KCNH8: variants seen among roughly 807,000 people sequenced by gnomAD.
The protein encoded by KCNH8 is voltage-gated delayed rectifier potassium channel KCNH8.
KCNH8 carries 70 observed loss-of-function variants against 103.6 expected under a neutral mutation model. That is an observed-to-expected ratio of 0.68 (90% CI 0.56 to 0.82). The LOEUF (loss-of-function observed/expected upper bound fraction) is 0.82, where lower values mean the gene tolerates loss of function less well. Among genes scored for constraint, KCNH8 ranks in the 40% least tolerant of loss-of-function variants. The pLI, the probability that KCNH8 is intolerant of heterozygous loss-of-function variation, is 0.00. For synonymous variants in KCNH8, 498 were observed against 489.4 expected, an observed-to-expected ratio of 1.02 and a Z score of -0.23; for missense variants, 1,217 against 1,329.9, an observed-to-expected ratio of 0.92 and a Z score of 1.32.
At chr3:19,269,574 A>G (rs1291112451) in intron 2 of KCNH8, among the ~76,000 whole-genome samples, 1 of 152,150 alleles carries the variant, frequency 6.6e-6, no homozygotes, top group Non-Finnish European at 1.5e-5. Context: ...TATAAGAGAC[A>G]GCCAGAGTGG....
intron 15 of KCNH8, among the ~76,000 whole-genome samples, chr3:19,527,058 C>A (rs1256120302): frequency 6.6e-6 from 1 of 151,924 alleles, no homozygotes; most frequent in African/African-American, 2.4e-5. Flanking sequence ...TTTTGGCTCA[C>A]ACATCCTTTA....
At chr3:19,330,591 G>A (rs1369198642) in intron 3 of KCNH8, among the ~76,000 whole-genome samples, 1 of 152,098 alleles carries the variant, frequency 6.6e-6, no homozygotes, top group Non-Finnish European at 1.5e-5. Flanking sequence ...GCCATTTGGG[G>A]GCATTACAAA....
chr3:19,318,639 A>G (rs944661915), intron 3 of KCNH8, among the ~76,000 whole-genome samples: 45 of 126,022 alleles, frequency 3.6e-4, no homozygotes, highest in African/African-American at 5.0e-4. Context: ...ATTACATGGT[A>G]AGTGTGTGTG....
At chr3:19,149,440 A>G (rs2063107301) in intron 1 of KCNH8, among the ~76,000 whole-genome samples, 1 of 151,638 alleles carries the variant, frequency 6.6e-6, no homozygotes, top group South Asian at 2.1e-4. Flanking sequence ...ATGATAAGAG[A>G]AAGTTTTTAG....
intron 7 of KCNH8, among the ~76,000 whole-genome samples, chr3:19,408,844 A>C (rs1329826716): frequency 6.6e-6 from 1 of 152,164 alleles, no homozygotes; most frequent in Non-Finnish European, 1.5e-5. Flanking sequence ...AAAATGATCA[A>C]AATCTTTGAG....
chr3:19,407,826 G>T (rs1318241081), intron 7 of KCNH8, among the ~76,000 whole-genome samples: 1 of 152,070 alleles, frequency 6.6e-6, no homozygotes, highest in Non-Finnish European at 1.5e-5. Flanking sequence ...CTCCTAGATT[G>T]AGCTTCAGCT....
chr3:19,400,821 A>T (rs1400119454), intron 7 of KCNH8, among the ~76,000 whole-genome samples: 1 of 151,924 alleles, frequency 6.6e-6, no homozygotes, highest in Non-Finnish European at 1.5e-5. Context: ...AGAAAAAAAA[A>T]TGACCAGGCT....
chr3:19,495,990 G>A (rs1276234021), intron 11 of KCNH8, among the ~76,000 whole-genome samples: 3 of 150,948 alleles, frequency 2.0e-5, no homozygotes, highest in African/African-American at 7.3e-5. Context: ...TCTTGATTTG[G>A]CTCTTAGATT....
chr3:19,194,541 A>G (rs904732837), intron 1 of KCNH8, among the ~76,000 whole-genome samples: 2 of 151,866 alleles, frequency 1.3e-5, no homozygotes, highest in Non-Finnish European at 2.9e-5. Context: ...TTTCAAAGTC[A>G]AATAGTACAG....
In KCNH8 at chr3:19,275,110, T is replaced by C. The variant is rs111609809; in HGVS notation, c.311-6088T>C. ...CACTGGAGTTGACAGAATCCTACTA[T>C]ATATTTCTTCATGCTTATTCTAGAA... On this transcript the variant is annotated intron_variant, in intron 2 of 15. Coordinates refer to ENST00000328405, the MANE Select transcript of KCNH8 (RefSeq NM_144633.3). Among the ~76,000 whole-genome samples the C allele has an allele frequency of 4.4e-3, 669 of 151,326 alleles. 19 individuals are homozygous for C. In the East Asian group the frequency reaches 0.084, roughly 19 times the overall value.
Position 19,450,259 on chromosome 3 carries a change from A to C in KCNH8, c.1529A>C (p.Tyr510Ser), listed in dbSNP as rs761112198. ...PQQLKQRMLE[Y>S]FQTTWSVNNG... ...CAACTCAAGCAGAGGATGCTCGAAT[A>C]TTTTCAAACAACCTGGTCAGTCAAC... Residue 510 changes from tyrosine to serine, a missense_variant, in exon 9 of 16, where the codon TAT becomes TCT. Tyr to Ser is a moderately radical substitution (Grantham distance 144). This residue lies in a region of KCNH8 where 415 missense variants were observed against 577.4 expected (regional missense o/e 0.72). Transcript: ENST00000328405. 1 of 1,613,618 alleles carries C rather than the reference A, an allele frequency of 6.2e-7. No homozygotes were observed. The highest frequency in any genetic ancestry group is 8.5e-7 in the Non-Finnish European group (1 of 1,179,728).
At position 19,523,775 on chromosome 3, in the gene KCNH8, C is replaced by A. The variant is rs74601323; in HGVS notation, c.2619+5701C>A. On this transcript the variant is annotated intron_variant, in intron 15 of 15. Transcript: ENST00000328405. The stretch of plus-strand genomic sequence containing the variant: ...ACTGGCAAACGCTAATAATATCTAC[C>A]ATAGCACCTAAAAGCTATTAGGAAA... Among the ~76,000 whole-genome samples the A allele has an allele frequency of 5.4e-3, 823 of 151,956 alleles. 5 individuals carry two copies. Among genetic ancestry groups the A allele is most frequent in the Non-Finnish European group, 8.9e-3 (602 of 67,890 alleles).
chr3:19,390,442 C>G (rs755112095), intron 5 of KCNH8, 39 bp from the exon 6 acceptor site: 1 of 1,491,954 alleles, frequency 6.7e-7, no homozygotes, highest in South Asian at 1.2e-5. Flanking sequence ...TCTTCTCTGT[C>G]TCTTCCTTTT....
intron 5 of KCNH8, among the ~76,000 whole-genome samples, chr3:19,389,038 T>C (rs912013355): frequency 1.1e-4 from 16 of 152,204 alleles, no homozygotes; most frequent in Non-Finnish European, 8.8e-5. Flanking sequence ...CTGTGTGTTA[T>C]CTACAATAAT....
At chr3:19,175,148 G>A (rs2063385011) in intron 1 of KCNH8, among the ~76,000 whole-genome samples, 1 of 151,824 alleles carries the variant, frequency 6.6e-6, no homozygotes, top group Non-Finnish European at 1.5e-5. Context: ...GTAATATAGA[G>A]ATACTCTGTT....
intron 5 of KCNH8, among the ~76,000 whole-genome samples, chr3:19,355,004 G>A (rs2065860235): frequency 6.6e-6 from 1 of 152,166 alleles, no homozygotes; most frequent in South Asian, 2.1e-4. Context: ...CTAATATCCA[G>A]AATCTACAAG....
intron 11 of KCNH8, among the ~76,000 whole-genome samples, chr3:19,490,388 G>C (rs1280157719): frequency 6.6e-6 from 1 of 152,180 alleles, no homozygotes; most frequent in East Asian, 1.9e-4. Flanking sequence ...CAACTCTAAG[G>C]GTGTCCATGT....
chr3:19,475,959 C>G (rs1360662660), intron 11 of KCNH8, among the ~76,000 whole-genome samples: 1 of 152,122 alleles, frequency 6.6e-6, no homozygotes, highest in Non-Finnish European at 1.5e-5. Flanking sequence ...ATTTTGAGTA[C>G]AATACTGTAG....
intron 3 of KCNH8, among the ~76,000 whole-genome samples, chr3:19,330,405 T>C (rs1164568901): frequency 6.6e-6 from 1 of 152,194 alleles, no homozygotes; most frequent in African/African-American, 2.4e-5. Context: ...AGTCAGAAAT[T>C]GTTCATATGA....
Sources: allele counts gnomAD v4.1 joint callset (sites outside exome capture counted in the v4.1 genomes callset), GRCh38; gene constraint gnomAD v4.1.1; regional missense constraint gnomAD v4.1.1; transcripts MANE v1.5; gene names NCBI Gene and HGNC (gene_info 2026-07-23, HGNC 2026-07-21).